NRXN1: variants seen among roughly 807,000 people sequenced by gnomAD.
NRXN1 encodes the protein neurexin 1.
In NRXN1, 39 loss-of-function variants were observed where a neutral mutation model predicts 150.9. The observed-to-expected ratio is 0.26, with a 90% CI of 0.20 to 0.34. The LOEUF (loss-of-function observed/expected upper bound fraction) is 0.34. Among genes scored for constraint, NRXN1 ranks in the 10% least tolerant of loss-of-function variants. The probability of loss-of-function intolerance (pLI) is 1.00; values close to 1 mark genes in which losing one functional copy is unlikely to be tolerated. For missense variants in NRXN1, 1,815 were observed against 1,949.9 expected (o/e 0.93, Z 1.30); for synonymous variants, 924 against 757.0 (o/e 1.22, Z -3.62).
At chr2:50,662,933 T>G (rs1687505634) in intron 5 of NRXN1, among the ~76,000 whole-genome samples, 1 of 152,050 alleles carries the variant, frequency 6.6e-6, no homozygotes, top group South Asian at 2.1e-4. Context: ...CTACCCCCAG[T>G]GATTCTCATT....
chr2:50,839,022 T>G (rs1559335720), intron 5 of NRXN1, among the ~76,000 whole-genome samples: 1 of 152,124 alleles, frequency 6.6e-6, no homozygotes, highest in Non-Finnish European at 1.5e-5. Flanking sequence ...AAGAGCCTGG[T>G]TTTCTTGACT....
At chr2:50,358,916 TCCACTGGTGATAC>T in intron 17 of NRXN1, among the ~76,000 whole-genome samples, 2 of 152,164 alleles carry the variant, frequency 1.3e-5, no homozygotes, top group Non-Finnish European at 2.9e-5. Context: ...TTCCACAGCC[TCCACTGGTGATAC>T]CCAGGCAAAC....
intron 18 of NRXN1, among the ~76,000 whole-genome samples, chr2:50,201,427 G>C (rs192244358): frequency 6.6e-6 from 1 of 152,098 alleles, no homozygotes; most frequent in Non-Finnish European, 1.5e-5. Flanking sequence ...ATGAGTACTC[G>C]TTGTAAATAG....
chr2:50,648,158 C>G (rs1202190785), intron 5 of NRXN1, among the ~76,000 whole-genome samples: 2 of 151,882 alleles, frequency 1.3e-5, no homozygotes, highest in African/African-American at 4.8e-5. Context: ...AACTGTCAAA[C>G]CATATTGGGA....
At chr2:50,943,626 C>A (rs1002808773) in intron 2 of NRXN1, among the ~76,000 whole-genome samples, 1 of 152,052 alleles carries the variant, frequency 6.6e-6, no homozygotes, top group Non-Finnish European at 1.5e-5. Flanking sequence ...GGGAAATATC[C>A]CACAGGCCTT....
chr2:50,045,824 C>T (rs1003925806), intron 21 of NRXN1, among the ~76,000 whole-genome samples: 2 of 152,066 alleles, frequency 1.3e-5, no homozygotes, highest in African/African-American at 2.4e-5. Flanking sequence ...TGTCATGTAT[C>T]GACTAGGTAC....
chr2:50,095,051 T>C (rs1430194569), intron 18 of NRXN1, among the ~76,000 whole-genome samples: 1 of 152,086 alleles, frequency 6.6e-6, no homozygotes, highest in African/African-American at 2.4e-5. Flanking sequence ...CCTGGAGGAA[T>C]AAGAGAGGGA....
intron 2 of NRXN1, among the ~76,000 whole-genome samples, chr2:50,939,744 A>T (rs1162776011): frequency 6.6e-6 from 1 of 152,204 alleles, no homozygotes; most frequent in Non-Finnish European, 1.5e-5. Flanking sequence ...CAAAATAACC[A>T]CATCAATTAT....
chr2:50,165,276 G>A (rs2059608565), intron 18 of NRXN1, among the ~76,000 whole-genome samples: 1 of 152,134 alleles, frequency 6.6e-6, no homozygotes, highest in Admixed American at 6.5e-5. Flanking sequence ...TAGAAAGTAC[G>A]GTAGCAGGAG....
At chr2:50,339,530 A>G (rs1232697486) in intron 17 of NRXN1, among the ~76,000 whole-genome samples, 3 of 152,204 alleles carry the variant, frequency 2.0e-5, no homozygotes, top group Non-Finnish European at 4.4e-5. Flanking sequence ...GCCTCAGTTA[A>G]AATTCACAAA....
chr2:50,575,416 G>C (rs181182234), intron 8 of NRXN1, among the ~76,000 whole-genome samples: 1 of 152,260 alleles, frequency 6.6e-6, no homozygotes, highest in African/African-American at 2.4e-5. Context: ...GAAAACATGA[G>C]AGCCAGGTAG....
intron 18 of NRXN1, among the ~76,000 whole-genome samples, chr2:50,218,381 G>A (rs1260589583): frequency 6.6e-6 from 1 of 151,840 alleles, no homozygotes; most frequent in Non-Finnish European, 1.5e-5. Context: ...CCAGCTCTTA[G>A]TATGAATACC....
intron 18 of NRXN1, among the ~76,000 whole-genome samples, chr2:50,098,868 T>G (rs1275510028): frequency 9.3e-5 from 6 of 64,430 alleles, no homozygotes; most frequent in African/African-American, 1.6e-4. Context: ...TTTTTTTTTT[T>G]TTTTTTTTTT....
At chr2:50,852,170 C>T (rs190731862) in intron 5 of NRXN1, among the ~76,000 whole-genome samples, 235 of 152,196 alleles carry the variant, frequency 1.5e-3, no homozygotes, top group Middle Eastern at 3.4e-3. Flanking sequence ...ACACAACTGG[C>T]CCCAAAGGAT....
At chr2:50,471,152 T>C (rs759441978) in intron 16 of NRXN1, among the ~76,000 whole-genome samples, 2 of 151,802 alleles carry the variant, frequency 1.3e-5, no homozygotes, top group East Asian at 1.9e-4. Flanking sequence ...TTCGGTTACA[T>C]GGATGAACTA....
At chr2:50,402,788 T>A (rs1267392908) in intron 17 of NRXN1, among the ~76,000 whole-genome samples, 1 of 152,130 alleles carries the variant, frequency 6.6e-6, no homozygotes, top group Non-Finnish European at 1.5e-5. Flanking sequence ...TCTCCAGTGA[T>A]ACGTGATCTG....
intron 21 of NRXN1, among the ~76,000 whole-genome samples, chr2:49,963,021 TA>T (rs1676273035): frequency 6.6e-6 from 1 of 151,746 alleles, no homozygotes; most frequent in Non-Finnish European, 1.5e-5. Flanking sequence ...ACTGACAAAA[TA>T]AAACAGGAAA....
At chr2:50,916,529 C>A (rs1339466305) in intron 5 of NRXN1, among the ~76,000 whole-genome samples, 1 of 151,476 alleles carries the variant, frequency 6.6e-6, no homozygotes, top group Non-Finnish European at 1.5e-5. Context: ...AACATAAAGT[C>A]ATTATTTTGG....
intron 5 of NRXN1, among the ~76,000 whole-genome samples, chr2:50,708,210 C>T (rs1286697137): frequency 6.6e-6 from 1 of 152,088 alleles, no homozygotes; most frequent in Non-Finnish European, 1.5e-5. Flanking sequence ...TCTCATGTAA[C>T]GATTCCTGAT....
Sources: allele counts gnomAD v4.1 joint callset (sites outside exome capture counted in the v4.1 genomes callset), GRCh38; gene constraint gnomAD v4.1.1; transcripts MANE v1.5; gene names NCBI Gene and HGNC (gene_info 2026-07-23, HGNC 2026-07-21).